TMEM245: variants seen among roughly 807,000 people sequenced by gnomAD.
TMEM245 encodes the protein transmembrane protein 245.
In TMEM245, 69 loss-of-function variants were observed where a neutral mutation model predicts 101.2. The observed-to-expected ratio is 0.68, with a 90% CI of 0.56 to 0.83. The LOEUF is 0.83. TMEM245 is among the 40% of genes least tolerant of loss of function. TMEM245 has a pLI of 0.00. For synonymous variants in TMEM245, 537 were observed against 449.8 expected (o/e 1.19, Z -2.45); for missense variants, 1,075 against 1,092.8 (o/e 0.98, Z 0.23).
At chr9:109,022,036 C>T (rs1827641115) in intron 17 of TMEM245, among the ~76,000 whole-genome samples, 1 of 152,168 alleles carries the variant, frequency 6.6e-6, no homozygotes, top group Admixed American at 6.5e-5. Flanking sequence ...CTCCTTTTCT[C>T]TCCTCTCAAT....
Position 109,036,328 on chromosome 9 carries a change from T to G in TMEM245, c.2277A>C (p.Ala759=). ...AVPFLGTYWA[A]VPAVLDLWLT... is the part of the protein sequence containing the mutation. ...GCCACAGGTCAAGAACTGCAGGTAC[T>G]GCTGCCCAGTATGTCCCCAGGAATG... Residue 759 remains alanine, a synonymous_variant, in exon 16 of 18, where the codon GCA becomes GCC. Transcript: ENST00000374586. 6.2e-7 allele frequency: 1 copy of G among 1,613,680 alleles called. No homozygotes were observed.
chr9:109,075,989 C>T (rs1218077302), intron 8 of TMEM245, among the ~76,000 whole-genome samples: 1 of 152,204 alleles, frequency 6.6e-6, no homozygotes, highest in Admixed American at 6.5e-5. Context: ...AAACTTCCAA[C>T]AAGACACTGC....
At chr9:109,114,491 AGAG>A (rs142821988) in intron 1 of TMEM245, among the ~76,000 whole-genome samples, 7,580 of 152,304 alleles carry the variant, frequency 0.05, 227 homozygotes, top group Non-Finnish European at 0.058. Flanking sequence ...TGAATGTCCC[AGAG>A]GAGGGCCCTG....
At chr9:109,031,630 G>C (rs1322694320) in intron 17 of TMEM245, among the ~76,000 whole-genome samples, 2 of 152,280 alleles carry the variant, frequency 1.3e-5, no homozygotes, top group Middle Eastern at 3.4e-3. Context: ...AGGAGGCAGG[G>C]AGAAGCCTTC....
chr9:109,117,909 C>T (rs142568157), intron 1 of TMEM245, among the ~76,000 whole-genome samples: 2 of 152,330 alleles, frequency 1.3e-5, no homozygotes, highest in Admixed American at 6.5e-5. Flanking sequence ...AGCATTCGAT[C>T]CACTTAACTG....
chr9:109,042,111 T>C (rs771020318), intron 14 of TMEM245, among the ~76,000 whole-genome samples: 1 of 152,180 alleles, frequency 6.6e-6, no homozygotes, highest in Non-Finnish European at 1.5e-5. Flanking sequence ...GGTAATTATA[T>C]GCCCAGTATT....
rs972727271 is a variant in TMEM245 at position 109,019,960 on chromosome 9, T to C, written c.*500A>G. ...CGTATAATACATTGTGGGAGAAGGGTAGAAGATTCATTTTTCCTGCTCACT... is the reference window on the plus strand; with the variant it reads ...CGTATAATACATTGTGGGAGAAGGGCAGAAGATTCATTTTTCCTGCTCACT... On this transcript the variant is annotated 3_prime_UTR_variant, in exon 18 of 18. Coordinates refer to ENST00000374586, the MANE Select transcript of TMEM245 (RefSeq NM_032012.4). 6.5e-6 allele frequency: 1 copy of C among 153,030 alleles called. No homozygotes were observed. Among genetic ancestry groups the C allele is most frequent in the Non-Finnish European group, 1.5e-5 (1 of 68,738 alleles). 9.5% of individuals were successfully genotyped at this position (153,030 alleles called of 1,614,324 possible). A position where few individuals can be genotyped will look rare whatever the true frequency, so the allele number is the denominator to read the frequency against.
At chr9:109,109,984 A>C (rs1830525906) in intron 1 of TMEM245, among the ~76,000 whole-genome samples, 1 of 152,066 alleles carries the variant, frequency 6.6e-6, no homozygotes, top group Admixed American at 6.6e-5. Context: ...TTTTTTCTGT[A>C]TTTTCCAGAC....
At chr9:109,058,627 C>A (rs1828919056) in intron 11 of TMEM245, among the ~76,000 whole-genome samples, 1 of 152,200 alleles carries the variant, frequency 6.6e-6, no homozygotes, top group South Asian at 2.1e-4. Context: ...TTTTTAGAGA[C>A]AGCGTCTTGC....
intron 1 of TMEM245, among the ~76,000 whole-genome samples, chr9:109,117,203 G>A (rs757608357): frequency 4.0e-5 from 6 of 151,668 alleles, no homozygotes; most frequent in Admixed American, 1.3e-4. Context: ...TCTGCCTCCC[G>A]GGTTCAAGTG....
chr9:109,113,526 T>C (rs1323932795), intron 1 of TMEM245, among the ~76,000 whole-genome samples: 1 of 151,810 alleles, frequency 6.6e-6, no homozygotes, highest in Non-Finnish European at 1.5e-5. Context: ...AGACACTACA[T>C]AAGACTGCAT....
Position 109,080,719 on chromosome 9 carries a change from A to G in TMEM245, c.1449+120T>C, listed in dbSNP as rs537771627. 31 of 633,178 alleles carry G rather than the reference A, an allele frequency of 4.9e-5. No individual in the cohort carries two copies. In the African/African-American group the frequency reaches 5.7e-4, roughly 12 times the overall value. 39.2% of individuals were successfully genotyped at this position (633,178 alleles called of 1,614,324 possible). ...TATACAAATCATAAATCCTTTAGCT[A>G]TTGTACATACTTTTAAATCAAGTTA... On this transcript the variant is annotated intron_variant, in intron 8 of 17. Transcript: ENST00000374586.
chr9:109,078,938 A>G (rs974890992), intron 8 of TMEM245, among the ~76,000 whole-genome samples: 5 of 152,146 alleles, frequency 3.3e-5, no homozygotes, highest in South Asian at 2.1e-4. Context: ...CTCATCTCCA[A>G]TTGGACTTGA....
intron 3 of TMEM245, among the ~76,000 whole-genome samples, chr9:109,093,921 C>T (rs1013026940): frequency 2.0e-5 from 3 of 152,176 alleles, no homozygotes; most frequent in African/African-American, 7.2e-5. Context: ...AACACTACCA[C>T]ATCAAGTCTG....
rs539123725 is a variant in TMEM245 at position 109,096,252 on chromosome 9, G to A, written c.800-2661C>T. Among the ~76,000 whole-genome samples, 16 of 152,306 alleles carry A rather than the reference G, an allele frequency of 1.1e-4. No individual in the cohort carries two copies. The East Asian group carries it at 1.7e-3, about 17-fold the overall frequency. ...AGCACTCTGGGAGGCCAAGGCAGAC[G>A]GATTACCTGAGGCCAGGAGTTCGAG... On this transcript the variant is annotated intron_variant, in intron 3 of 17. Transcript: ENST00000374586.
chr9:109,105,614 A>C (rs1006155386), intron 3 of TMEM245, among the ~76,000 whole-genome samples: 1 of 152,248 alleles, frequency 6.6e-6, no homozygotes, highest in African/African-American at 2.4e-5. Flanking sequence ...TCAACTGATG[A>C]GTAAATAAAC....
At chr9:109,117,876 A>ATG (rs1160921322) in intron 1 of TMEM245, among the ~76,000 whole-genome samples, 2 of 152,184 alleles carry the variant, frequency 1.3e-5, no homozygotes, top group African/African-American at 4.8e-5. Context: ...CTTAGAACAT[A>ATG]GTGTTCTGCC....
At chr9:109,056,019 A>G (rs979404827) in intron 12 of TMEM245, among the ~76,000 whole-genome samples, 7 of 152,256 alleles carry the variant, frequency 4.6e-5, no homozygotes, top group African/African-American at 1.7e-4. Flanking sequence ...GAGGCTTTCA[A>G]AATTAAGGAA....
intron 8 of TMEM245, among the ~76,000 whole-genome samples, chr9:109,075,235 A>G (rs546140515): frequency 1.3e-5 from 2 of 152,250 alleles, no homozygotes; most frequent in African/African-American, 2.4e-5. Context: ...TCACATAGAT[A>G]TATTTTCCTT....
Sources: allele counts gnomAD v4.1 joint callset (sites outside exome capture counted in the v4.1 genomes callset), GRCh38; gene constraint gnomAD v4.1.1; transcripts MANE v1.5; gene names NCBI Gene and HGNC (gene_info 2026-07-23, HGNC 2026-07-21).